Variants in TSHZ3 observed in about 807,000 individuals in gnomAD.
The protein encoded by TSHZ3 is teashirt zinc finger homeobox 3.
TSHZ3 carries 10 observed loss-of-function variants against 64.5 expected under a neutral mutation model. That is an observed-to-expected ratio of 0.16 (90% confidence interval 0.10 to 0.26). The LOEUF is 0.26. TSHZ3 is among the 10% of genes least tolerant of loss of function. The probability of loss-of-function intolerance (pLI) is 1.00; values close to 1 mark genes in which losing one functional copy is unlikely to be tolerated. For synonymous variants in TSHZ3, 608 were observed against 593.1 expected (o/e 1.03, Z -0.36); for missense variants, 1,242 against 1,421.7 (o/e 0.87, Z 2.03).
chr19:31,341,689 A>G (rs1395969390), intron 1 of TSHZ3, among the ~76,000 whole-genome samples: 1 of 150,128 alleles, frequency 6.7e-6, no homozygotes, highest in Non-Finnish European at 1.5e-5. Context: ...CCACAGTCCC[A>G]CACCATAAGA....
intron 5 of TSHZ3, among the ~76,000 whole-genome samples, chr19:31,172,399 T>A (rs1354327292): frequency 1.3e-5 from 2 of 152,196 alleles, no homozygotes; most frequent in Non-Finnish European, 2.9e-5. Flanking sequence ...TCAATAGTCA[T>A]GGTGGTGGCA....
chr19:31,259,475 A>G (rs1451361155), intron 1 of TSHZ3, among the ~76,000 whole-genome samples: 1 of 152,012 alleles, frequency 6.6e-6, no homozygotes, highest in East Asian at 1.9e-4. Context: ...CAGACTGTCC[A>G]GGTAGGGTCC....
At chr19:31,156,137 G>T (rs1599551016) in intron 6 of TSHZ3, among the ~76,000 whole-genome samples, 1 of 152,092 alleles carries the variant, frequency 6.6e-6, no homozygotes, top group African/African-American at 2.4e-5. Flanking sequence ...ATGTTAATTT[G>T]CCTATTCTGC....
intron 5 of TSHZ3, among the ~76,000 whole-genome samples, chr19:31,181,722 G>T (rs1051466790): frequency 1.8e-4 from 28 of 152,026 alleles, no homozygotes; most frequent in Admixed American, 2.0e-4. Context: ...AGGAAGTGAA[G>T]GTACAGTCCC....
At position 31,278,450 on chromosome 19, in the gene TSHZ3, G is replaced by A. The variant is rs760600151; in HGVS notation, c.1343C>T (p.Ala448Val). The part of the protein sequence containing the change: ...LDEKVQSVPL[A>V]ATTFTSPSNT... ...GGAGGGGGACGTGAAGGTGGTGGCTGCCAGGGGCACGGACTGGACCTTCTC... is the reference window on the plus strand; with the variant it reads ...GGAGGGGGACGTGAAGGTGGTGGCTACCAGGGGCACGGACTGGACCTTCTC... Residue 448 changes from alanine to valine, a missense_variant, in exon 2 of 2, where the codon GCA becomes GTA. This residue lies in a region of TSHZ3 where 555 missense variants were observed against 704.0 expected (regional missense o/e 0.79). Transcript: ENST00000240587. The surrounding 1 kb of genome is among the most constrained non-coding windows in gnomAD (Gnocchi z 4.7). The A allele has an allele frequency of 5.0e-6, 8 of 1,614,060 alleles. No individual in the cohort carries two copies. The African/African-American group carries it at 8.0e-5, about 16-fold the overall frequency.
intron 5 of TSHZ3, among the ~76,000 whole-genome samples, chr19:31,159,092 T>C (rs1974339926): frequency 6.6e-6 from 1 of 152,168 alleles, no homozygotes; most frequent in Non-Finnish European, 1.5e-5. Context: ...CTCCGCCTCC[T>C]GGGTTCAGGC....
At chr19:31,262,921 A>G (rs1028334850) in intron 1 of TSHZ3, among the ~76,000 whole-genome samples, 2 of 152,264 alleles carry the variant, frequency 1.3e-5, no homozygotes, top group African/African-American at 4.8e-5. Flanking sequence ...TGGACGCAAC[A>G]GTTGGGCTGC....
chr19:31,235,221 C>T (rs898048025), intron 3 of TSHZ3, among the ~76,000 whole-genome samples: 3 of 152,158 alleles, frequency 2.0e-5, no homozygotes, highest in Non-Finnish European at 4.4e-5. Flanking sequence ...GATTAATTCT[C>T]TTAGCAAATT....
intron 5 of TSHZ3, among the ~76,000 whole-genome samples, chr19:31,170,893 C>A: frequency 6.6e-6 from 1 of 152,178 alleles, no homozygotes. Flanking sequence ...AACTGTCTTT[C>A]AGCAAGTGAG....
At chr19:31,213,670 G>A (rs1307290856) in intron 4 of TSHZ3, among the ~76,000 whole-genome samples, 12 of 152,168 alleles carry the variant, frequency 7.9e-5, no homozygotes, top group African/African-American at 2.9e-4. Flanking sequence ...TAAGCAACAG[G>A]AGGTATATGG....
intron 5 of TSHZ3, among the ~76,000 whole-genome samples, chr19:31,188,578 T>C (rs756755047): frequency 5.9e-5 from 9 of 151,940 alleles, no homozygotes; most frequent in Non-Finnish European, 1.3e-4. Flanking sequence ...CATCATATGG[T>C]TTTTTCCTTC....
chr19:31,349,160 G>C lies in TSHZ3; in HGVS notation c.40+20C>G. The stretch of plus-strand genomic sequence containing the variant: ...AGGAAGAGGAGGAGGAGAGCAGAAG[G>C]AAGGGGAAGCGGCTCGTACCTGCTG... On this transcript the variant is annotated intron_variant, in intron 1 of 1. Transcript: ENST00000240587. 1 of 1,540,986 alleles carries C rather than the reference G, an allele frequency of 6.5e-7. No individual in the cohort carries two copies. The highest frequency in any genetic ancestry group is 8.7e-7 in the Non-Finnish European group (1 of 1,143,744).
At chr19:31,221,722 G>T (rs1975396793) in intron 4 of TSHZ3, among the ~76,000 whole-genome samples, 1 of 152,206 alleles carries the variant, frequency 6.6e-6, no homozygotes, top group African/African-American at 2.4e-5. Flanking sequence ...CTGGGCTTCA[G>T]TGTCCATGAG....
chr19:31,230,692 CTT>C (rs956399700), intron 3 of TSHZ3, among the ~76,000 whole-genome samples: 2 of 94,116 alleles, frequency 2.1e-5, no homozygotes, highest in African/African-American at 4.7e-5. Context: ...CCCATCACTG[CTT>C]TTTTTTTTTT....
chr19:31,205,448 C>T (rs899552658), intron 4 of TSHZ3, among the ~76,000 whole-genome samples: 1 of 152,186 alleles, frequency 6.6e-6, no homozygotes, highest in African/African-American at 2.4e-5. Context: ...CTTCTTTCTC[C>T]TGAAGGGCAC....
Position 31,277,272 on chromosome 19 carries a change from C to T in TSHZ3, c.2521G>A (p.Glu841Lys), listed in dbSNP as rs199794016. Residue 841 changes from glutamate to lysine, a missense_variant, in exon 2 of 2, where the codon GAG becomes AAG. Around this residue, in one of 4 missense-constraint regions of TSHZ3, gnomAD observed 550 missense variants for 545.1 expected, o/e 1.01. Coordinates refer to ENST00000240587, the MANE Select transcript of TSHZ3 (RefSeq NM_020856.4). The surrounding 1 kb of genome is among the most constrained non-coding windows in gnomAD (Gnocchi z 4.5). Reference protein sequence around the residue: ...VSFMSNSPLRENALSDISDML... With the variant: ...VSFMSNSPLRKNALSDISDML... ...TCGGATATATCTGACAAGGCATTCT[C>T]GCGTAGCGGCGAGTTTGACATGAAT... 186 of 1,613,884 alleles carry T rather than the reference C, an allele frequency of 1.2e-4. 1 individual carries two copies. The highest frequency in any genetic ancestry group is 6.7e-5 in the African/African-American group (5 of 74,928).
In TSHZ3 at chr19:31,305,099, C is replaced by T. The variant is rs528836449; in HGVS notation, c.41-25347G>A. ...AAGCATTTCAGATTAGCAAGTGCCA[C>T]GAGCATTTGTGTTTTATAAGCTTGT... On this transcript the variant is annotated intron_variant, in intron 1 of 1. Coordinates refer to ENST00000240587, the MANE Select transcript of TSHZ3 (RefSeq NM_020856.4). Among the ~76,000 whole-genome samples the T allele has an allele frequency of 8.5e-5, 13 of 152,262 alleles. No individual in the cohort carries two copies. In the South Asian group the frequency reaches 2.5e-3, roughly 29 times the overall value.
chr19:31,327,028 T>C (rs188770510), intron 1 of TSHZ3, among the ~76,000 whole-genome samples: 1 of 152,148 alleles, frequency 6.6e-6, no homozygotes, highest in Non-Finnish European at 1.5e-5. Context: ...AGACTCTCCT[T>C]CCTTACAGCA....
At position 31,279,954 on chromosome 19, in the gene TSHZ3, C is replaced by CA. The variant is rs34501594; in HGVS notation, c.41-203dup. The stretch of plus-strand genomic sequence containing the variant: ...GTTAAAATGTGGTGTTTCTTTGGAG[C>CA]AAAAAAAAAAAAAAATCTGCTCTTC... On this transcript the variant is annotated intron_variant, in intron 1 of 1. Coordinates refer to ENST00000240587, the MANE Select transcript of TSHZ3 (RefSeq NM_020856.4). This position sits in a 1 kb window ranked among gnomAD's most constrained non-coding sequence, Gnocchi z 6.4. 0.5 allele frequency among the ~76,000 whole-genome samples: 72,694 copies of CA among 145,498 alleles called. 18,063 individuals are homozygous for CA. The highest frequency in any genetic ancestry group is 0.79 in the East Asian group (3,948 of 5,004).
Sources: gnomAD v4.1 joint callset for allele counts (sites outside exome capture counted in the v4.1 genomes callset) on GRCh38, gnomAD v4.1.1 for gene constraint, gnomAD v4.1.1 regional missense constraint, Gnocchi (gnomAD v3.1) non-coding constraint, MANE v1.5 for transcripts, NCBI Gene and HGNC (gene_info 2026-07-23, HGNC 2026-07-21) for gene names.